SNX7: variants seen among roughly 807,000 people sequenced by gnomAD.
SNX7 encodes sorting nexin 7, also known as sorting nexin-7.
In SNX7, 35 loss-of-function variants were observed where a neutral mutation model predicts 48.4. The ratio of observed to expected loss-of-function variants is 0.72; its 90% CI spans 0.55 to 0.96. SNX7 has a LOEUF of 0.96. SNX7 is among the 40% of genes least tolerant of loss of function. The pLI is 0.00. For missense variants in SNX7, 553 were observed against 548.9 expected, an observed-to-expected ratio of 1.01 and a Z score of -0.07; for synonymous variants, 190 against 190.2, an observed-to-expected ratio of 1.00 and a Z score of 0.01.
chr1:98,746,036 C>A (rs1654293535), intron 8 of SNX7, among the ~76,000 whole-genome samples: 1 of 151,822 alleles, frequency 6.6e-6, no homozygotes, highest in Admixed American at 6.6e-5. Flanking sequence ...TAGAAATGAT[C>A]AGAGCAAAAG....
intron 7 of SNX7, among the ~76,000 whole-genome samples, chr1:98,734,153 C>G (rs1448686781): frequency 6.6e-6 from 1 of 152,054 alleles, no homozygotes; most frequent in African/African-American, 2.4e-5. Context: ...TTTCATTGTC[C>G]CAGTCACTGC....
At chr1:98,741,733 CAGGGCATGGAT>C (rs1181517734) in intron 8 of SNX7, among the ~76,000 whole-genome samples, 33 of 152,234 alleles carry the variant, frequency 2.2e-4, no homozygotes, top group Admixed American at 5.2e-4. Flanking sequence ...GCCCTGGATA[CAGGGCATGGAT>C]ATTTCCTAAC....
chr1:98,670,991 A>G (rs1211709454), intron 1 of SNX7, among the ~76,000 whole-genome samples: 1 of 152,186 alleles, frequency 6.6e-6, no homozygotes, highest in Non-Finnish European at 1.5e-5. Flanking sequence ...GTACTCTAAA[A>G]AGAATACTTT....
intron 7 of SNX7, among the ~76,000 whole-genome samples, chr1:98,728,968 C>G (rs1439565939): frequency 6.6e-6 from 1 of 152,110 alleles, no homozygotes; most frequent in African/African-American, 2.4e-5. Context: ...GCAGAATTCC[C>G]CACCCCAAAA....
intron 7 of SNX7, among the ~76,000 whole-genome samples, chr1:98,726,279 C>T (rs937215705): frequency 2.6e-5 from 4 of 152,100 alleles, no homozygotes; most frequent in Non-Finnish European, 5.9e-5. Flanking sequence ...GCAAGAGAAG[C>T]AGGTAACACC....
intron 6 of SNX7, among the ~76,000 whole-genome samples, chr1:98,701,429 C>T (rs1238537262): frequency 6.6e-6 from 1 of 151,408 alleles, no homozygotes; most frequent in Non-Finnish European, 1.5e-5. Flanking sequence ...CATGTGACAT[C>T]CCACCCATAA....
At chr1:98,715,114 G>C (rs1447973795) in intron 7 of SNX7, among the ~76,000 whole-genome samples, 1 of 151,994 alleles carries the variant, frequency 6.6e-6, no homozygotes, top group East Asian at 1.9e-4. Context: ...CAAATGCTCA[G>C]ACCCATTCAA....
At chr1:98,731,391 T>A (rs1355914198) in intron 7 of SNX7, among the ~76,000 whole-genome samples, 3 of 152,120 alleles carry the variant, frequency 2.0e-5, no homozygotes, top group African/African-American at 7.2e-5. Flanking sequence ...AGTTCATAAT[T>A]CTCACAAAGT....
intron 2 of SNX7, among the ~76,000 whole-genome samples, chr1:98,688,012 AT>A (rs1250611906): frequency 6.6e-6 from 1 of 152,186 alleles, no homozygotes; most frequent in Non-Finnish European, 1.5e-5. Context: ...TCAAGATGAG[AT>A]TTGGATGGGG....
intron 1 of SNX7, among the ~76,000 whole-genome samples, chr1:98,665,737 C>T (rs535589374): frequency 1.3e-4 from 19 of 151,896 alleles, no homozygotes; most frequent in Admixed American, 3.3e-4. Flanking sequence ...TACAGGCATG[C>T]GCCACCATGC....
chr1:98,740,069 GGTTTTGTTTT>G (rs747792892), intron 8 of SNX7, among the ~76,000 whole-genome samples: 9 of 152,124 alleles, frequency 5.9e-5, no homozygotes, highest in Admixed American at 2.6e-4. Context: ...ACAGATCCAT[GGTTTTGTTTT>G]GTTTTGTTTT....
intron 4 of SNX7, among the ~76,000 whole-genome samples, chr1:98,691,937 ACTCT>A (rs59743636): frequency 0.056 from 7,300 of 131,092 alleles, 609 homozygotes; most frequent in African/African-American, 0.18. Flanking sequence ...ACACACACAC[ACTCT>A]CTCTCTCTCT....
chr1:98,728,577 TAGGCTTAAAATAA>T (rs1260377950), intron 7 of SNX7, among the ~76,000 whole-genome samples: 2 of 152,158 alleles, frequency 1.3e-5, no homozygotes, highest in Non-Finnish European at 2.9e-5. Context: ...GAGACACACA[TAGGCTTAAAATAA>T]AGGTATGGAG....
chr1:98,698,695 T>C lies in SNX7; in HGVS notation c.839-11T>C. 1 of 1,600,320 alleles carries C rather than the reference T, an allele frequency of 6.2e-7. No homozygotes were observed. Among genetic ancestry groups the C allele is most frequent in the Non-Finnish European group, 8.5e-7 (1 of 1,173,486 alleles). On this transcript the variant is annotated splice_polypyrimidine_tract_variant and intron_variant, in intron 5 of 8. Transcript: ENST00000306121. ...TATTGAAGAGCTTATTAAGTCTTTT[T>C]TTTTTTTTAGAATATTTTGATGAAA...
intron 8 of SNX7, among the ~76,000 whole-genome samples, chr1:98,745,706 G>GT (rs1343348975): frequency 1.3e-5 from 2 of 151,980 alleles, no homozygotes; most frequent in African/African-American, 4.8e-5. Flanking sequence ...TTACATCCTT[G>GT]TACCTGCATT....
chr1:98,683,138 G>A (rs1650594749), intron 1 of SNX7, among the ~76,000 whole-genome samples: 1 of 152,124 alleles, frequency 6.6e-6, no homozygotes, highest in African/African-American at 2.4e-5. Context: ...TTTTTAAAAA[G>A]TGTTTATGCT....
At chr1:98,690,739 A>G (rs775762637) in intron 2 of SNX7, among the ~76,000 whole-genome samples, 7 of 152,086 alleles carry the variant, frequency 4.6e-5, no homozygotes, top group Non-Finnish European at 1.0e-4. Flanking sequence ...TTCAGAACAC[A>G]CTTGCTTGTT....
intron 7 of SNX7, among the ~76,000 whole-genome samples, chr1:98,734,246 G>A (rs1177676064): frequency 2.6e-5 from 4 of 152,006 alleles, no homozygotes; most frequent in Non-Finnish European, 5.9e-5. Context: ...CCACTTCTAC[G>A]TTTTTCCTTC....
chr1:98,670,578 TAC>T (rs1649795574), intron 1 of SNX7, among the ~76,000 whole-genome samples: 1 of 152,230 alleles, frequency 6.6e-6, no homozygotes, highest in South Asian at 2.1e-4. Flanking sequence ...TACAGCTGCC[TAC>T]AGTTTTCATA....
Sources: allele counts gnomAD v4.1 joint callset (sites outside exome capture counted in the v4.1 genomes callset), GRCh38; gene constraint gnomAD v4.1.1; transcripts MANE v1.5; gene names NCBI Gene and HGNC (gene_info 2026-07-23, HGNC 2026-07-21).